UGT2B11: variants seen among roughly 807,000 people sequenced by gnomAD.
UGT2B11 encodes UDP glucuronosyltransferase family 2 member B11.
In UGT2B11, 49 loss-of-function variants were observed where a neutral mutation model predicts 51.7. That is an observed-to-expected ratio of 0.95 (90% CI 0.75 to 1.20). The LOEUF (loss-of-function observed/expected upper bound fraction) is 1.20, where lower values mean the gene tolerates loss of function less well. Ranked by LOEUF, UGT2B11 falls within the 50% of genes most tolerant of loss-of-function variation. The pLI is 0.00. For synonymous variants in UGT2B11, 273 were observed against 209.0 expected (o/e 1.31, Z -2.64); for missense variants, 810 against 622.1 (o/e 1.30, Z -3.21).
In UGT2B11 at chr4:69,214,588, C is replaced by T; in HGVS notation, c.135G>A (p.Glu45=). 11 of 1,613,278 alleles carry T rather than the reference C, an allele frequency of 6.8e-6. No individual in the cohort carries two copies. The highest frequency in any genetic ancestry group is 9.3e-6 in the Non-Finnish European group (11 of 1,179,436). The part of the protein sequence containing the change: ...HWMNMKTILK[E]LVQRGHEVTV... ...TCACCTCATGACCTCTCTGAACAAG[C>T]TCTTTCAGGATTGTCTTCATATTCA... The change falls in exon 1 of 6, where the codon GAG becomes GAA. Residue 45 remains glutamate (E), a synonymous_variant. Coordinates refer to ENST00000446444, the MANE Select transcript of UGT2B11 (RefSeq NM_001073.3).
chr4:69,207,559 C>T (rs1721906245), intron 3 of UGT2B11, among the ~76,000 whole-genome samples: 2 of 151,500 alleles, frequency 1.3e-5, no homozygotes, highest in Non-Finnish European at 3.0e-5. Context: ...CTGCTGCCTC[C>T]ATTGGGAGGA....
chr4:69,215,022 A>G (rs549751307), upstream of UGT2B11: 1 of 304,756 alleles, frequency 3.3e-6, no homozygotes, highest in African/African-American at 2.2e-5. Context: ...GTGGCAAGTG[A>G]GAGAGTCCTG....
chr4:69,212,769 T>G, intron 1 of UGT2B11, 48 bp from the exon 2 acceptor site: 1 of 1,558,768 alleles, frequency 6.4e-7, no homozygotes, highest in Non-Finnish European at 8.6e-7. Flanking sequence ...AGATAATTAC[T>G]TTACATACCT....
intron 4 of UGT2B11, 88 bp downstream of exon 4, chr4:69,205,392 C>A: frequency 2.7e-6 from 4 of 1,508,462 alleles, no homozygotes; most frequent in Non-Finnish European, 3.6e-6. Context: ...TTTTTGTTTT[C>A]CTATAACAAA....
chr4:69,213,448 G>C (rs535688816), intron 1 of UGT2B11, among the ~76,000 whole-genome samples: 4 of 151,796 alleles, frequency 2.6e-5, no homozygotes, highest in African/African-American at 9.6e-5. Flanking sequence ...TCTTTAGTTA[G>C]GGAGTATAGA....
chr4:69,224,816 A>T, the UGT2B11 span, among the ~76,000 whole-genome samples: 2 of 151,640 alleles, frequency 1.3e-5, no homozygotes, highest in Non-Finnish European at 2.9e-5. Flanking sequence ...CACAGCGTGG[A>T]AGGGGTCCCA....
rs116321786 is a variant in UGT2B11, at chr4:69,202,481, C to T, written c.1311-1762G>A. On this transcript the variant is annotated intron_variant, in intron 5 of 5. Transcript: ENST00000446444. ...TCATGATATTGAATCTTTTATATTT[C>T]GTAAGTCTTGATTTATTGCCCACCA... Among the ~76,000 whole-genome samples, 621 of 151,504 alleles carry T rather than the reference C, an allele frequency of 4.1e-3. 4 individuals carry two copies. The highest frequency in any genetic ancestry group is 0.013 in the African/African-American group (536 of 41,420).
At chr4:69,216,774 G>T (rs1349714587), upstream of UGT2B11, 8 of 152,028 alleles carry the variant, frequency 5.3e-5, no homozygotes, top group Admixed American at 3.3e-4. Flanking sequence ...ATGATTTTGT[G>T]TTTGCATGTG....
the UGT2B11 span, among the ~76,000 whole-genome samples, chr4:69,220,216 G>A: frequency 2.0e-5 from 3 of 151,910 alleles, no homozygotes; most frequent in Non-Finnish European, 4.4e-5. Context: ...CTCAAATACA[G>A]GTCACACTGA....
chr4:69,224,149 T>C, the UGT2B11 span, among the ~76,000 whole-genome samples: 1 of 152,216 alleles, frequency 6.6e-6, no homozygotes, highest in Admixed American at 6.5e-5. Context: ...TTAAGACTTT[T>C]AAATAGAGAA....
chr4:69,202,513 A>ACC (rs1721698796), intron 5 of UGT2B11, among the ~76,000 whole-genome samples: 1 of 151,594 alleles, frequency 6.6e-6, no homozygotes, highest in Non-Finnish European at 1.5e-5. Flanking sequence ...ACCACACATC[A>ACC]CTTCAAGGAA....
intron 5 of UGT2B11, among the ~76,000 whole-genome samples, chr4:69,201,872 A>C (rs1480902632): frequency 6.6e-6 from 1 of 151,880 alleles, no homozygotes; most frequent in East Asian, 1.9e-4. Flanking sequence ...AAAATGGAAG[A>C]TCATCTTGAA....
At chr4:69,201,531 G>A (rs547316055) in intron 5 of UGT2B11, among the ~76,000 whole-genome samples, 1 of 151,850 alleles carries the variant, frequency 6.6e-6, no homozygotes, top group South Asian at 2.1e-4. Context: ...TCTGCACACT[G>A]TCTTCTAGAT....
At chr4:69,210,270 A>AT (rs1210843468) in intron 2 of UGT2B11, among the ~76,000 whole-genome samples, 4 of 151,508 alleles carry the variant, frequency 2.6e-5, no homozygotes, top group African/African-American at 9.7e-5. Flanking sequence ...TTTTGTGAAT[A>AT]TTTTCCATAA....
At chr4:69,200,802 C>A in intron 5 of UGT2B11, 83 bp from the exon 6 acceptor site, 2 of 1,361,824 alleles carry the variant, frequency 1.5e-6, no homozygotes, top group Non-Finnish European at 1.9e-6. Flanking sequence ...GCTTTTAAAG[C>A]ATCAAATAAT....
the UGT2B11 span, among the ~76,000 whole-genome samples, chr4:69,222,208 G>A: frequency 3.9e-5 from 6 of 152,258 alleles, no homozygotes; most frequent in African/African-American, 1.4e-4. Flanking sequence ...TGGGCCTAAG[G>A]CAGAGTTTTG....
At chr4:69,218,075 A>C (rs113325296), upstream of UGT2B11, among the ~76,000 whole-genome samples, 2,100 of 152,268 alleles carry the variant, frequency 0.014, 40 homozygotes, top group African/African-American at 0.047. Context: ...GCACTCAAAC[A>C]TTCAAACCAT....
At position 69,204,511 on chromosome 4, in the gene UGT2B11, C is replaced by A; in HGVS notation, c.1229G>T (p.Gly410Val). The stretch of plus-strand genomic sequence containing the variant: ...GTTGAAGTCCAATCTAACAGCTGCT[C>A]CCTTGGCCTTCATGTGAGCAATGTT... ...PDNIAHMKAK[G>V]AAVRLDFNTM... The change falls in exon 5 of 6, where the codon GGA (glycine) becomes GTA (valine). Residue 410 changes from glycine to valine, a missense_variant. Gly to Val is a moderately radical substitution (Grantham distance 109). Coordinates refer to ENST00000446444, the MANE Select transcript of UGT2B11 (RefSeq NM_001073.3). The A allele has an allele frequency of 6.2e-7, 1 of 1,612,278 alleles. No homozygotes were observed. The highest frequency in any genetic ancestry group is 8.5e-7 in the Non-Finnish European group (1 of 1,178,872).
At chr4:69,206,303 A>C (rs576336823) in intron 3 of UGT2B11, among the ~76,000 whole-genome samples, 78 of 150,332 alleles carry the variant, frequency 5.2e-4, no homozygotes, top group African/African-American at 1.7e-3. Flanking sequence ...CATAAAAAAA[A>C]CAAAAATATG....
Sources: allele counts gnomAD v4.1 joint callset (sites outside exome capture counted in the v4.1 genomes callset), GRCh38; gene constraint gnomAD v4.1.1; transcripts MANE v1.5; gene names NCBI Gene and HGNC (gene_info 2026-07-23, HGNC 2026-07-21).